Variants in RARS2 observed in about 807,000 individuals in gnomAD.
The protein encoded by RARS2 is probable arginine--tRNA ligase, mitochondrial.
Under a neutral mutation model 88.5 loss-of-function variants are expected in RARS2, and 67 were observed. The observed-to-expected ratio is 0.76, with a 90% confidence interval of 0.62 to 0.93. The LOEUF (loss-of-function observed/expected upper bound fraction) is 0.93. RARS2 is among the 40% of genes least tolerant of loss of function. RARS2 has a pLI of 0.00. For synonymous variants in RARS2, 239 were observed against 230.3 expected, an observed-to-expected ratio of 1.04 and a Z score of -0.34; for missense variants, 664 against 684.2, an observed-to-expected ratio of 0.97 and a Z score of 0.33.
chr6:87,565,908 T>C (rs1307674540), intron 2 of RARS2, among the ~76,000 whole-genome samples: 1 of 152,182 alleles, frequency 6.6e-6, no homozygotes, highest in African/African-American at 2.4e-5. Context: ...CTCAGGGAAA[T>C]AACTAAAAAT....
chr6:87,516,672 T>C (rs1275473554), intron 18 of RARS2, 134 bp downstream of exon 18: 2 of 1,270,012 alleles, frequency 1.6e-6, no homozygotes, highest in Non-Finnish European at 1.1e-6. Context: ...CTAATTTGTA[T>C]AGATGAAGCA....
intron 1 of RARS2, among the ~76,000 whole-genome samples, chr6:87,586,641 T>C (rs1024089711): frequency 2.0e-5 from 3 of 152,234 alleles, no homozygotes; most frequent in African/African-American, 7.2e-5. Flanking sequence ...CTGATGACAG[T>C]GCTTAGAAAA....
At chr6:87,545,013 T>C (rs1782174556) in intron 7 of RARS2, among the ~76,000 whole-genome samples, 1 of 152,232 alleles carries the variant, frequency 6.6e-6, no homozygotes, top group South Asian at 2.1e-4. Flanking sequence ...GACTTACTTC[T>C]TCCCTGTATA....
rs577147685 is a variant in RARS2, at chr6:87,517,226, C to T, written c.1512-346G>A. ...CCGGGAGGTGAAGGTTTCAGTGAGC[C>T]GAGATCCAGCCACTGTACTCTAGCC... On this transcript the variant is annotated intron_variant, in intron 17 of 19. Transcript: ENST00000369536. 3.1e-3 allele frequency among the ~76,000 whole-genome samples: 477 copies of T among 152,120 alleles called. 4 individuals carry two copies. Among genetic ancestry groups the T allele is most frequent in the African/African-American group, 0.011 (456 of 41,468 alleles).
At chr6:87,535,308 T>C (rs560873507) in intron 8 of RARS2, among the ~76,000 whole-genome samples, 3 of 152,212 alleles carry the variant, frequency 2.0e-5, no homozygotes, top group Non-Finnish European at 4.4e-5. Flanking sequence ...TTACTTAAAG[T>C]TGAGAAATTG....
chr6:87,520,971 T>C (rs1210608412), intron 12 of RARS2, among the ~76,000 whole-genome samples: 2 of 152,158 alleles, frequency 1.3e-5, no homozygotes, highest in Non-Finnish European at 2.9e-5. Flanking sequence ...CATAAAACCA[T>C]AGCCACACAA....
At chr6:87,562,617 A>G in intron 4 of RARS2, 85 bp downstream of exon 4, 1 of 1,036,076 alleles carries the variant, frequency 9.7e-7, no homozygotes, top group Non-Finnish European at 1.5e-6. Flanking sequence ...GAGGAGGCAT[A>G]AAGAATTTAA....
chr6:87,518,898 C>G lies in RARS2; in HGVS notation c.1238-7G>C, dbSNP rs1582267232. The stretch of plus-strand genomic sequence containing the variant: ...TTCTTGAGTTCTTTAGTTGCTGAAA[C>G]AGACAAAGGCAGCTATCTTTAGTCT... On this transcript the variant is annotated splice_region_variant and splice_polypyrimidine_tract_variant and intron_variant, in intron 14 of 19. Coordinates refer to ENST00000369536, the MANE Select transcript of RARS2 (RefSeq NM_020320.5). 1 of 1,613,618 alleles carries G rather than the reference C, an allele frequency of 6.2e-7. No individual in the cohort carries two copies. The highest frequency in any genetic ancestry group is 1.3e-5 in the African/African-American group (1 of 74,962).
At chr6:87,524,291 T>C (rs1040518295) in intron 11 of RARS2, among the ~76,000 whole-genome samples, 2 of 152,194 alleles carry the variant, frequency 1.3e-5, no homozygotes, top group African/African-American at 2.4e-5. Context: ...CAAATCCCAA[T>C]GAGTTCTGGT....
In RARS2 at chr6:87,578,108, C is replaced by CCA. The variant is rs1554220475; in HGVS notation, c.37-8519_37-8518insTG. 4.2e-5 allele frequency among the ~76,000 whole-genome samples: 5 copies of CCA among 119,428 alleles called. No individual in the cohort carries two copies. In the South Asian group the frequency reaches 7.9e-4, roughly 19 times the overall value. The allele number at this position is 119,428 out of a possible 152,430, so 78.3% of individuals were successfully genotyped here. ...ACCAGCCTGGGGCAACATAGCGAGA[C>CCA]CCCCCCCCCCGCCATCTCTATTTAA... On this transcript the variant is annotated intron_variant, in intron 1 of 19. Transcript: ENST00000369536.
rs568127106 is a variant in RARS2 at position 87,557,578 on chromosome 6, A to T, written c.298-2073T>A. Among the ~76,000 whole-genome samples the T allele has an allele frequency of 2.7e-3, 414 of 152,348 alleles. 2 individuals are homozygous for T. The highest frequency in any genetic ancestry group is 9.0e-3 in the African/African-American group (374 of 41,576). On this transcript the variant is annotated intron_variant, in intron 4 of 19. Coordinates refer to ENST00000369536, the MANE Select transcript of RARS2 (RefSeq NM_020320.5). ...CAAAAAGGCAACATTAATAATTTTT[A>T]AAAAATTGATCATTTAAAATAAGGC...
chr6:87,532,116 T>TC (rs1362420087), intron 8 of RARS2, among the ~76,000 whole-genome samples: 1 of 152,196 alleles, frequency 6.6e-6, no homozygotes, highest in Non-Finnish European at 1.5e-5. Context: ...TAAACATCTC[T>TC]CAAGGTAAAA....
At chr6:87,535,504 T>C (rs191096186) in intron 8 of RARS2, among the ~76,000 whole-genome samples, 21 of 152,248 alleles carry the variant, frequency 1.4e-4, no homozygotes, top group African/African-American at 4.3e-4. Flanking sequence ...ACGTAAATTA[T>C]CTAGTGATAC....
intron 4 of RARS2, among the ~76,000 whole-genome samples, chr6:87,560,853 A>G (rs1787642173): frequency 6.6e-6 from 1 of 152,202 alleles, no homozygotes; most frequent in Admixed American, 6.5e-5. Flanking sequence ...GTGCCATTGC[A>G]CTCCAGCCTG....
intron 10 of RARS2, among the ~76,000 whole-genome samples, chr6:87,526,074 T>C (rs992973678): frequency 6.6e-6 from 1 of 152,134 alleles, no homozygotes; most frequent in Non-Finnish European, 1.5e-5. Flanking sequence ...ATTTAAAAAA[T>C]GTCCACACCA....
intron 1 of RARS2, among the ~76,000 whole-genome samples, chr6:87,570,006 AT>A (rs1769150805): frequency 6.6e-6 from 1 of 152,154 alleles, no homozygotes; most frequent in South Asian, 2.1e-4. Flanking sequence ...GCCAGGCATT[AT>A]TCCAGGTATT....
chr6:87,569,673 T>C (rs1221032014), intron 1 of RARS2, 83 bp from the exon 2 acceptor site: 4 of 1,066,486 alleles, frequency 3.8e-6, no homozygotes, highest in Non-Finnish European at 5.8e-6. Context: ...AAGAATAAAC[T>C]ATTAATACAC....
intron 6 of RARS2, among the ~76,000 whole-genome samples, chr6:87,548,272 T>TCC: frequency 6.6e-6 from 1 of 152,206 alleles, no homozygotes; most frequent in Admixed American, 6.5e-5. Context: ...AGGTTATACA[T>TCC]CCCCACATAA....
intron 12 of RARS2, among the ~76,000 whole-genome samples, chr6:87,520,968 C>A (rs1703001703): frequency 6.6e-6 from 1 of 152,140 alleles, no homozygotes; most frequent in Admixed American, 6.5e-5. Flanking sequence ...TCTCATAAAA[C>A]CATAGCCACA....
Sources: allele counts gnomAD v4.1 joint callset (sites outside exome capture counted in the v4.1 genomes callset), GRCh38; gene constraint gnomAD v4.1.1; transcripts MANE v1.5; gene names NCBI Gene and HGNC (gene_info 2026-07-23, HGNC 2026-07-21).